Variants in SLC12A5 observed in about 807,000 individuals in gnomAD.
The protein encoded by SLC12A5 is K-Cl cotransporter 2.
In SLC12A5, 18 loss-of-function variants were observed where a neutral mutation model predicts 124.0. The observed-to-expected ratio is 0.15, with a 90% CI of 0.10 to 0.22. The LOEUF is 0.22. Ranked by LOEUF, SLC12A5 falls within the 10% of genes least tolerant of loss-of-function variation. SLC12A5 has a pLI of 1.00. For synonymous variants in SLC12A5, 589 were observed against 568.0 expected, an observed-to-expected ratio of 1.04 and a Z score of -0.53; for missense variants, 867 against 1,478.7, an observed-to-expected ratio of 0.59 and a Z score of 6.78.
chr20:46,057,667 C>T lies in SLC12A5; in HGVS notation c.*62C>T, dbSNP rs2084709592. 10 of 1,239,874 alleles carry T rather than the reference C, an allele frequency of 8.1e-6. No homozygotes were observed. Among genetic ancestry groups the T allele is most frequent in the Admixed American group, 2.6e-5 (1 of 39,128 alleles). The allele number at this position is 1,239,874 out of a possible 1,614,324, so 76.8% of individuals were successfully genotyped here. A position where few individuals can be genotyped will look rare whatever the true frequency, so the allele number is the denominator to read the frequency against. ...GCCCGCGGCTCCGGAGCCCTCGCCGCGCCCCCCGCCGCTGTCACCGTTTAC... is the reference window on the plus strand; with the variant it reads ...GCCCGCGGCTCCGGAGCCCTCGCCGTGCCCCCCGCCGCTGTCACCGTTTAC... On this transcript the variant is annotated 3_prime_UTR_variant, in exon 26 of 26. Coordinates refer to ENST00000243964, the MANE Select transcript of SLC12A5 (RefSeq NM_020708.5). The surrounding 1 kb of genome is among the most constrained non-coding windows in gnomAD (Gnocchi z 7.1).
In SLC12A5 at chr20:46,056,288, G is replaced by A; in HGVS notation, c.2910+16G>A. On this transcript the variant is annotated intron_variant, in intron 22 of 25. Coordinates refer to ENST00000243964, the MANE Select transcript of SLC12A5 (RefSeq NM_020708.5). The surrounding 1 kb of genome is among the most constrained non-coding windows in gnomAD (Gnocchi z 4.3). ...AGAGGAGGAGGTGTGCAGCTTGGGT[G>A]GTTTGGCCCCAACCAGTGGGAGCAG... The A allele has an allele frequency of 1.2e-6, 2 of 1,614,010 alleles. No individual in the cohort carries two copies. Among genetic ancestry groups the A allele is most frequent in the Non-Finnish European group, 1.7e-6 (2 of 1,179,914 alleles).
intron 6 of SLC12A5, 56 bp downstream of exon 6, chr20:46,037,441 T>C: frequency 6.4e-7 from 1 of 1,553,036 alleles, no homozygotes; most frequent in Non-Finnish European, 8.7e-7. Context: ...AGTTAATCAG[T>C]GCTCCCTGGA....
intron 2 of SLC12A5, 156 bp downstream of exon 2, chr20:46,035,198 C>T (rs186917448): frequency 1.0e-6 from 1 of 995,258 alleles, no homozygotes; most frequent in African/African-American, 1.6e-5. Context: ...CTTCTCCCTC[C>T]TGGGATTTAC....
chr20:46,056,915 A>G lies in SLC12A5; in HGVS notation c.3125+4A>G. 6.2e-7 allele frequency: 1 copy of G among 1,614,084 alleles called. No homozygotes were observed. Among genetic ancestry groups the G allele is most frequent in the Non-Finnish European group, 8.5e-7 (1 of 1,179,990 alleles). On this transcript the variant is annotated splice_donor_region_variant and intron_variant, in intron 24 of 25. Coordinates refer to ENST00000243964, the MANE Select transcript of SLC12A5 (RefSeq NM_020708.5). The surrounding 1 kb of genome is among the most constrained non-coding windows in gnomAD (Gnocchi z 4.3). ...CCTGAAGGGAGTGGGAGAACTTGTAAGTGCTTCAGCATTTTTTCATTCTCT... is the reference window on the plus strand; with the variant it reads ...CCTGAAGGGAGTGGGAGAACTTGTAGGTGCTTCAGCATTTTTTCATTCTCT...
In SLC12A5 at chr20:46,057,134, G is replaced by T; in HGVS notation, c.3126-36G>T. The T allele has an allele frequency of 6.2e-7, 1 of 1,611,704 alleles. No individual in the cohort carries two copies. The highest frequency in any genetic ancestry group is 2.2e-5 in the East Asian group (1 of 44,802). On this transcript the variant is annotated intron_variant, in intron 24 of 25. Transcript: ENST00000243964. The surrounding 1 kb of genome is among the most constrained non-coding windows in gnomAD (Gnocchi z 7.1). ...TGGCTCCAATCTTCTCTACCCCCCC[G>T]GCTCACGCGGTCTCCACTCCTCCTT... is the stretch of plus-strand genomic sequence containing the variant.
chr20:46,042,290 A>T (rs941176587), intron 8 of SLC12A5, among the ~76,000 whole-genome samples: 73 of 152,114 alleles, frequency 4.8e-4, no homozygotes, highest in African/African-American at 1.6e-3. Flanking sequence ...ACGTGGTCAG[A>T]TCTCCATTTT....
chr20:46,024,943 G>T (rs1036098445), upstream of SLC12A5, among the ~76,000 whole-genome samples: 5 of 152,220 alleles, frequency 3.3e-5, no homozygotes, highest in Admixed American at 3.3e-4. Flanking sequence ...CCCTGGGCCT[G>T]GTAGGACTAA....
chr20:46,055,087 A>C (rs967987157), intron 21 of SLC12A5, 64 bp downstream of exon 21: 10 of 1,176,184 alleles, frequency 8.5e-6, no homozygotes, highest in African/African-American at 3.0e-5. Flanking sequence ...TGGCAGGTTT[A>C]GGATGCCTCA....
At chr20:46,035,296 C>A (rs2084487233) in intron 2 of SLC12A5, 108 bp from the exon 3 acceptor site, 2 of 1,403,810 alleles carry the variant, frequency 1.4e-6, no homozygotes, top group African/African-American at 1.4e-5. Flanking sequence ...CTCATCCCAA[C>A]CTGAATAGTT....
At chr20:46,028,697 A>G (rs1476811268), upstream of SLC12A5, among the ~76,000 whole-genome samples, 2 of 152,052 alleles carry the variant, frequency 1.3e-5, no homozygotes, top group Non-Finnish European at 1.5e-5. Context: ...CCCCCACTTC[A>G]GGGCTGGCCT....
In SLC12A5 at chr20:46,041,417, A is replaced by G; in HGVS notation, c.943A>G (p.Thr315Ala). The change falls in exon 8 of 26, where the codon ACA becomes GCA. Residue 315 changes from threonine (T) to alanine (A), a missense_variant. By Grantham distance (58) the Thr-to-Ala change is moderately conservative. Transcript: ENST00000243964. ...TTGGGAAGGAAATGAGACGGTGACC[A>G]CACGGCTATGGGGCCTTTTCTGCTC... ...LAWEGNETVT[T>A]RLWGLFCSSR... 6.2e-7 allele frequency: 1 copy of G among 1,614,136 alleles called. No homozygotes were observed. Among genetic ancestry groups the G allele is most frequent in the Non-Finnish European group, 8.5e-7 (1 of 1,180,014 alleles).
intron 16 of SLC12A5, among the ~76,000 whole-genome samples, chr20:46,049,146 C>T (rs1568865707): frequency 6.6e-6 from 1 of 152,184 alleles, no homozygotes; most frequent in Non-Finnish European, 1.5e-5. Flanking sequence ...AAATGCTCAG[C>T]ACATGGTCTA....
At chr20:46,037,656 T>C (rs1410637987) in intron 6 of SLC12A5, among the ~76,000 whole-genome samples, 1 of 152,242 alleles carries the variant, frequency 6.6e-6, no homozygotes, top group African/African-American at 2.4e-5. Context: ...TTCTCTTGTA[T>C]CCTTACGAGG....
At chr20:46,047,831 G>A in intron 15 of SLC12A5, 150 bp from the exon 16 acceptor site, 1 of 849,760 alleles carries the variant, frequency 1.2e-6, no homozygotes, top group Admixed American at 2.7e-5. Flanking sequence ...CTTAGCCAAG[G>A]CTTGGTTGAG....
At chr20:46,029,458 T>C in intron 1 of SLC12A5, 62 bp downstream of exon 1, 1 of 1,513,728 alleles carries the variant, frequency 6.6e-7, no homozygotes, top group Non-Finnish European at 8.9e-7. Context: ...AGCTCTGGGG[T>C]TAGAGGCGGA....
At position 46,056,396 on chromosome 20, in the gene SLC12A5, G is replaced by A. The variant is rs2084694133; in HGVS notation, c.2942G>A (p.Ser981Asn). 7.4e-6 allele frequency: 12 copies of A among 1,612,766 alleles called. No homozygotes were observed. Among genetic ancestry groups the A allele is most frequent in the Non-Finnish European group, 9.3e-6 (11 of 1,179,302 alleles). The change falls in exon 23 of 26, where the codon AGC becomes AAC. Residue 981 changes from serine (S) to asparagine (N), a missense_variant. This residue lies in a region of SLC12A5 where 180 missense variants were observed against 243.6 expected (regional missense o/e 0.74). Transcript: ENST00000243964. This position sits in a 1 kb window ranked among gnomAD's most constrained non-coding sequence, Gnocchi z 4.3. ...VQLIHDQSAP[S>N]CPSSSPSPGE... is the part of the protein sequence containing the mutation. ...CTGATCCACGATCAGAGTGCTCCCA[G>A]CTGCCCCAGCAGCTCCCCGTCCCCA...
intron 18 of SLC12A5, among the ~76,000 whole-genome samples, 171 bp from the exon 19 acceptor site, chr20:46,052,786 T>G (rs1172326188): frequency 6.6e-6 from 1 of 152,134 alleles, no homozygotes; most frequent in Non-Finnish European, 1.5e-5. Flanking sequence ...AAACAATAAA[T>G]ATATGATGGG....
Position 46,057,435 on chromosome 20 carries a change from G to C in SLC12A5, c.3260-79G>C. ...CTCGGACAGGGACACGGGCGCGAGA[G>C]GTCCCCTGGCAGCCGAGCGCGACCC... is the stretch of plus-strand genomic sequence containing the variant. On this transcript the variant is annotated intron_variant, in intron 25 of 25. Coordinates refer to ENST00000243964, the MANE Select transcript of SLC12A5 (RefSeq NM_020708.5). This position sits in a 1 kb window ranked among gnomAD's most constrained non-coding sequence, Gnocchi z 7.1. 3 of 1,601,098 alleles carry C rather than the reference G, an allele frequency of 1.9e-6. No individual in the cohort carries two copies. Among genetic ancestry groups the C allele is most frequent in the Non-Finnish European group, 2.6e-6 (3 of 1,168,296 alleles).
At chr20:46,055,907 GAGCC>G in intron 21 of SLC12A5, 1 of 527,940 alleles carries the variant, frequency 1.9e-6, no homozygotes, top group Non-Finnish European at 3.4e-6. Context: ...GTGCTAGGCA[GAGCC>G]TTGCTGTGCC....
Sources: gnomAD v4.1 joint callset for allele counts (sites outside exome capture counted in the v4.1 genomes callset) on GRCh38, gnomAD v4.1.1 for gene constraint, gnomAD v4.1.1 regional missense constraint, Gnocchi (gnomAD v3.1) non-coding constraint, MANE v1.5 for transcripts, NCBI Gene and HGNC (gene_info 2026-07-23, HGNC 2026-07-21) for gene names.